The following MARCHF1 variants were observed in gnomAD, a reference collection of about 807,000 sequenced individuals.
MARCHF1 encodes the protein membrane associated ring-CH-type finger 1.
MARCHF1 carries 40 observed loss-of-function variants against 54.2 expected under a neutral mutation model. The ratio of observed to expected loss-of-function variants is 0.74; its 90% CI spans 0.57 to 0.96. The LOEUF is 0.96. Among genes scored for constraint, MARCHF1 ranks in the 40% least tolerant of loss-of-function variants. MARCHF1 has a pLI of 0.00. For missense variants in MARCHF1, 586 were observed against 656.5 expected (o/e 0.89, Z 1.17); for synonymous variants, 236 against 236.3 (o/e 1.00, Z 0.01).
chr4:163,788,245 AC>A (rs1023471931), intron 4 of MARCHF1, among the ~76,000 whole-genome samples: 11 of 151,994 alleles, frequency 7.2e-5, no homozygotes, highest in Non-Finnish European at 1.5e-4. Context: ...AAAAACGACA[AC>A]CCTGTTTCAG....
At chr4:163,579,968 G>C (rs867238061) in intron 8 of MARCHF1, among the ~76,000 whole-genome samples, 1 of 152,066 alleles carries the variant, frequency 6.6e-6, no homozygotes, top group African/African-American at 2.4e-5. Context: ...AAGAACCATA[G>C]AATGATTTCA....
chr4:163,784,526 A>T (rs1747560808), intron 4 of MARCHF1, among the ~76,000 whole-genome samples: 1 of 152,166 alleles, frequency 6.6e-6, no homozygotes, highest in South Asian at 2.1e-4. Context: ...GCTCTAGGAC[A>T]AGTTTGTCAT....
intron 2 of MARCHF1, among the ~76,000 whole-genome samples, chr4:163,994,474 A>G (rs1256753016): frequency 6.6e-6 from 1 of 151,964 alleles, no homozygotes; most frequent in African/African-American, 2.4e-5. Context: ...ATGCTAAATG[A>G]CAAGTTAATG....
Position 163,700,873 on chromosome 4 carries a change from A to G in MARCHF1, c.112-10T>C. 1 of 1,530,532 alleles carries G rather than the reference A, an allele frequency of 6.5e-7. No homozygotes were observed. Among genetic ancestry groups the G allele is most frequent in the Non-Finnish European group, 8.8e-7 (1 of 1,140,968 alleles). 94.8% of individuals were successfully genotyped at this position (1,530,532 alleles called of 1,614,324 possible). ...CTGGGGATTTTTCATTCTGAAAAAT[A>G]AAATGGGAAACATTAATTAAAAGAA... On this transcript the variant is annotated splice_polypyrimidine_tract_variant and intron_variant, in intron 4 of 9. Transcript: ENST00000514618.
At chr4:164,293,679 G>T (rs987414716) in intron 1 of MARCHF1, among the ~76,000 whole-genome samples, 1 of 152,202 alleles carries the variant, frequency 6.6e-6, no homozygotes, top group African/African-American at 2.4e-5. Context: ...AATCGCAATA[G>T]CTAGTATATA....
chr4:163,602,811 C>A (rs1327869897), intron 7 of MARCHF1, among the ~76,000 whole-genome samples: 1 of 151,408 alleles, frequency 6.6e-6, no homozygotes, highest in Non-Finnish European at 1.5e-5. Flanking sequence ...CATTTTTGTA[C>A]AGAAAAAATA....
At chr4:163,761,721 C>T (rs948107237) in intron 4 of MARCHF1, among the ~76,000 whole-genome samples, 1 of 152,188 alleles carries the variant, frequency 6.6e-6, no homozygotes, top group Non-Finnish European at 1.5e-5. Context: ...GCCAAGTTGA[C>T]ACACTACAAA....
At chr4:164,057,367 T>G (rs1579498211) in intron 2 of MARCHF1, among the ~76,000 whole-genome samples, 1 of 152,242 alleles carries the variant, frequency 6.6e-6, no homozygotes, top group South Asian at 2.1e-4. Context: ...TTTCAATTTC[T>G]TCCTCTTATT....
intron 1 of MARCHF1, among the ~76,000 whole-genome samples, chr4:164,308,651 A>G (rs1230503119): frequency 6.6e-6 from 1 of 152,160 alleles, no homozygotes; most frequent in African/African-American, 2.4e-5. Context: ...TTTAAAAATT[A>G]GAACTTGAAA....
chr4:164,191,453 TTCTC>T (rs1366141874), intron 1 of MARCHF1, among the ~76,000 whole-genome samples: 3 of 152,238 alleles, frequency 2.0e-5, no homozygotes, highest in Non-Finnish European at 2.9e-5. Flanking sequence ...TCATTTTGTT[TTCTC>T]TCTGAGTATA....
At chr4:164,177,472 G>A (rs1730719139) in intron 1 of MARCHF1, among the ~76,000 whole-genome samples, 1 of 151,860 alleles carries the variant, frequency 6.6e-6, no homozygotes, top group Admixed American at 6.6e-5. Context: ...AGATTATTGT[G>A]GAATGAAGTC....
intron 7 of MARCHF1, among the ~76,000 whole-genome samples, chr4:163,591,529 G>T (rs902550464): frequency 6.6e-6 from 1 of 152,082 alleles, no homozygotes; most frequent in African/African-American, 2.4e-5. Flanking sequence ...ATGGGGGCAG[G>T]ATCTTTTTGT....
chr4:163,897,523 C>G (rs1050830125), intron 3 of MARCHF1, among the ~76,000 whole-genome samples: 52 of 152,056 alleles, frequency 3.4e-4, no homozygotes, highest in African/African-American at 1.2e-3. Flanking sequence ...AAAATAGACA[C>G]ATAGGTACAT....
chr4:164,123,284 A>T (rs1195698463), intron 1 of MARCHF1, among the ~76,000 whole-genome samples: 1 of 152,142 alleles, frequency 6.6e-6, no homozygotes, highest in Non-Finnish European at 1.5e-5. Flanking sequence ...AAAACTGTAA[A>T]ACACTGATGA....
rs150133312 is a variant in MARCHF1 at position 163,809,421 on chromosome 4, C to T, written c.111+44600G>A. Among the ~76,000 whole-genome samples the T allele has an allele frequency of 3.1e-3, 474 of 152,292 alleles. 3 individuals are homozygous for T. The highest frequency in any genetic ancestry group is 0.011 in the African/African-American group (449 of 41,564). On this transcript the variant is annotated intron_variant, in intron 4 of 9. Transcript: ENST00000514618. ...TATAATATTTCACACTTCTATTTATCTCAAAATAGCATCCTAGTCATAAAT... is the reference window on the plus strand; with the variant it reads ...TATAATATTTCACACTTCTATTTATTTCAAAATAGCATCCTAGTCATAAAT...
At chr4:164,271,764 G>T (rs1368893400) in intron 1 of MARCHF1, among the ~76,000 whole-genome samples, 1 of 151,984 alleles carries the variant, frequency 6.6e-6, no homozygotes, top group Non-Finnish European at 1.5e-5. Context: ...CTTTTGGTAG[G>T]TCATAGAACC....
In MARCHF1 at chr4:163,528,653, T is replaced by C; in HGVS notation, c.*95A>G. ...TGTGTCAGTAGGAGAAAGGAGGAGC[T>C]GAAGGGAGTAAATAATTCAAGATCA... On this transcript the variant is annotated 3_prime_UTR_variant, in exon 10 of 10. Transcript: ENST00000514618. 3 of 1,280,296 alleles carry C rather than the reference T, an allele frequency of 2.3e-6. No homozygotes were observed. The highest frequency in any genetic ancestry group is 2.2e-6 in the Non-Finnish European group (2 of 925,316). The allele number at this position is 1,280,296 out of a possible 1,614,324, so 79.3% of individuals were successfully genotyped here.
At position 164,097,151 on chromosome 4, in the gene MARCHF1, G is replaced by A. The variant is rs145587180; in HGVS notation, c.-248+14437C>T. Among the ~76,000 whole-genome samples the A allele has an allele frequency of 6.6e-3, 1,008 of 152,184 alleles. 10 individuals carry two copies. The highest frequency in any genetic ancestry group is 0.021 in the African/African-American group (878 of 41,538). On this transcript the variant is annotated intron_variant, in intron 2 of 9. Coordinates refer to ENST00000514618, the MANE Select transcript of MARCHF1 (RefSeq NM_001394959.1). ...TGTAATGCAAGTCTCACAACACAGC[G>A]TCTAGGCCTCATATTTTTTGAACTT...
At chr4:163,972,689 G>A (rs1020662819) in intron 3 of MARCHF1, among the ~76,000 whole-genome samples, 13 of 151,112 alleles carry the variant, frequency 8.6e-5, no homozygotes, top group Non-Finnish European at 1.6e-4. Flanking sequence ...TTGGACTACA[G>A]GCGCCCGCCA....
Sources: gnomAD v4.1 joint callset for allele counts (sites outside exome capture counted in the v4.1 genomes callset) on GRCh38, gnomAD v4.1.1 for gene constraint, MANE v1.5 for transcripts, NCBI Gene and HGNC (gene_info 2026-07-23, HGNC 2026-07-21) for gene names.